The following CFAP44 variants were observed in gnomAD, a reference collection of about 807,000 sequenced individuals.
CFAP44 encodes the protein cilia- and flagella-associated protein 44.
In CFAP44, 134 loss-of-function variants were observed where a neutral mutation model predicts 216.2. The observed-to-expected ratio is 0.62, with a 90% confidence interval of 0.54 to 0.72. CFAP44 has a LOEUF of 0.72. CFAP44 is among the 30% of genes least tolerant of loss of function. CFAP44 has a pLI of 0.00. For synonymous variants in CFAP44, 700 were observed against 727.6 expected (o/e 0.96, Z 0.61); for missense variants, 2,035 against 2,182.1 (o/e 0.93, Z 1.34).
chr3:113,406,334 T>A (rs138720026), intron 8 of CFAP44, among the ~76,000 whole-genome samples: 2 of 152,158 alleles, frequency 1.3e-5, no homozygotes, highest in Non-Finnish European at 1.5e-5. Context: ...GAAAAGTAAG[T>A]AACATAAATA....
At position 113,327,729 on chromosome 3, in the gene CFAP44, G is replaced by A. The variant is rs564091262; in HGVS notation, c.4207C>T (p.Leu1403=). 1 of 1,536,802 alleles carries A rather than the reference G, an allele frequency of 6.5e-7. No homozygotes were observed. The highest frequency in any genetic ancestry group is 1.4e-5 in the African/African-American group (1 of 73,142). The part of the protein sequence containing the change: ...KLDTQMKLSD[L]HHVTLFQEIL... ...TCTTGAAATAAGGTGACATGGTGCA[G>A]GTCAGATAATTTCATCTGAGTATCT... Residue 1403 remains leucine (L), a synonymous_variant, in exon 27 of 35, where the codon CTG becomes TTG. Transcript: ENST00000393845.
chr3:113,421,456 G>C (rs964504151), intron 4 of CFAP44, among the ~76,000 whole-genome samples: 7 of 152,148 alleles, frequency 4.6e-5, no homozygotes, highest in Non-Finnish European at 5.9e-5. Flanking sequence ...ACTAAAAATA[G>C]AACTACCATT....
intron 32 of CFAP44, among the ~76,000 whole-genome samples, chr3:113,298,980 T>C (rs1949908838): frequency 6.6e-6 from 1 of 152,198 alleles, no homozygotes; most frequent in Admixed American, 6.5e-5. Flanking sequence ...GTTAAAATCA[T>C]AAATGTTATG....
chr3:113,429,975 C>G (rs1392257666), intron 2 of CFAP44, among the ~76,000 whole-genome samples: 1 of 152,070 alleles, frequency 6.6e-6, no homozygotes, highest in Non-Finnish European at 1.5e-5. Context: ...TATCAACCAT[C>G]CTGACCTGAC....
At position 113,330,775 on chromosome 3, in the gene CFAP44, G is replaced by C. The variant is rs1950235053; in HGVS notation, c.3616-107C>G. The stretch of plus-strand genomic sequence containing the variant: ...GCTGAAAGGCCTAGAAAAAATTCAA[G>C]ATAAAAATTCATCTGATCATACCTT... On this transcript the variant is annotated intron_variant, in intron 25 of 34. Coordinates refer to ENST00000393845, the MANE Select transcript of CFAP44 (RefSeq NM_001164496.2). The C allele has an allele frequency of 3.6e-6, 5 of 1,370,850 alleles. No individual in the cohort carries two copies. In the African/African-American group the frequency reaches 7.3e-5, roughly 20 times the overall value. 84.9% of individuals were successfully genotyped at this position (1,370,850 alleles called of 1,614,324 possible).
At chr3:113,353,336 T>C (rs887974919) in intron 22 of CFAP44, among the ~76,000 whole-genome samples, 2 of 150,796 alleles carry the variant, frequency 1.3e-5, no homozygotes, top group Non-Finnish European at 2.9e-5. Context: ...TCCTATCTTC[T>C]TGATAGAATA....
chr3:113,384,308 CTTG>C (rs1933592064), intron 15 of CFAP44, among the ~76,000 whole-genome samples: 2 of 152,084 alleles, frequency 1.3e-5, no homozygotes, highest in African/African-American at 2.4e-5. Flanking sequence ...ATCCACCCAC[CTTG>C]ACCTCCCAAA....
intron 23 of CFAP44, among the ~76,000 whole-genome samples, chr3:113,342,637 A>C (rs2029866012): frequency 6.6e-6 from 1 of 152,148 alleles, no homozygotes; most frequent in South Asian, 2.1e-4. Flanking sequence ...TACCAACTGA[A>C]GTGCTCTGAA....
chr3:113,344,508 T>G lies in CFAP44; in HGVS notation c.3262+8A>C, dbSNP rs945093754. ...TAAGAATTTAAAAGCCTTCTTGTCA[T>G]AGGCTACCTGCATCTCTCTGGCTGT... On this transcript the variant is annotated splice_region_variant and intron_variant, in intron 23 of 34. Coordinates refer to ENST00000393845, the MANE Select transcript of CFAP44 (RefSeq NM_001164496.2). 29 of 1,534,320 alleles carry G rather than the reference T, an allele frequency of 1.9e-5. No homozygotes were observed. Among genetic ancestry groups the G allele is most frequent in the Non-Finnish European group, 2.4e-5 (27 of 1,145,562 alleles).
At chr3:113,406,292 C>T (rs540313290) in intron 8 of CFAP44, among the ~76,000 whole-genome samples, 4 of 152,248 alleles carry the variant, frequency 2.6e-5, no homozygotes, top group African/African-American at 9.6e-5. Flanking sequence ...CCCAATAAGT[C>T]TTCTTGGATC....
chr3:113,399,911 G>C lies in CFAP44; in HGVS notation c.1564C>G (p.Arg522Gly). 1.3e-6 allele frequency: 2 copies of C among 1,576,274 alleles called. No homozygotes were observed. The highest frequency in any genetic ancestry group is 1.7e-6 in the Non-Finnish European group (2 of 1,165,242). ...CATTATAACAACAAACTTACCATTCGGGGTACCCAAACAAGGGCAGTACCT... is the reference window on the plus strand; with the variant it reads ...CATTATAACAACAAACTTACCATTCCGGGTACCCAAACAAGGGCAGTACCT... The part of the protein sequence containing the change: ...QGGTALVWVP[R>G]MVNFTGAQII... Residue 522 changes from arginine (R) to glycine (G), a missense_variant, in exon 13 of 35, where the codon CGA (arginine) becomes GGA (glycine). This residue lies in a region of CFAP44 where 1,883 missense variants were observed against 2,023.7 expected (regional missense o/e 0.93). Transcript: ENST00000393845.
chr3:113,400,922 T>C (rs1045861521), intron 11 of CFAP44, among the ~76,000 whole-genome samples: 9 of 152,024 alleles, frequency 5.9e-5, no homozygotes, highest in Non-Finnish European at 1.2e-4. Flanking sequence ...AACAGCTGCT[T>C]GTCTACTAAA....
At chr3:113,396,341 T>A (rs1479727622) in intron 14 of CFAP44, among the ~76,000 whole-genome samples, 177 bp downstream of exon 14, 1 of 152,270 alleles carries the variant, frequency 6.6e-6, no homozygotes, top group Non-Finnish European at 1.5e-5. Context: ...TCTCTTCTGA[T>A]TAAAAAGAGG....
At chr3:113,292,996 T>C (rs925004639) in intron 34 of CFAP44, among the ~76,000 whole-genome samples, 4 of 152,222 alleles carry the variant, frequency 2.6e-5, no homozygotes, top group African/African-American at 4.8e-5. Context: ...CACAGAGATA[T>C]GGGCTCTGGC....
At chr3:113,373,352 CA>C in intron 18 of CFAP44, 58 bp downstream of exon 18, 1 of 1,351,620 alleles carries the variant, frequency 7.4e-7, no homozygotes, top group Non-Finnish European at 9.6e-7. Context: ...CCATGATGAA[CA>C]AAAGCATAGA....
Position 113,404,030 on chromosome 3 carries a change from G to A in CFAP44, c.1006-14C>T, listed in dbSNP as rs1224507810. On this transcript the variant is annotated splice_polypyrimidine_tract_variant and intron_variant, in intron 8 of 34. Coordinates refer to ENST00000393845, the MANE Select transcript of CFAP44 (RefSeq NM_001164496.2). ...CCCTGAGAGCACCTGGCAGGTATGT[G>A]GAAAAAAGAAATGTGCATTAAAACA... 5 of 1,603,788 alleles carry A rather than the reference G, an allele frequency of 3.1e-6. No individual in the cohort carries two copies. The highest frequency in any genetic ancestry group is 4.3e-6 in the Non-Finnish European group (5 of 1,174,882).
intron 24 of CFAP44, among the ~76,000 whole-genome samples, chr3:113,335,425 T>A (rs1180661869): frequency 6.6e-6 from 1 of 152,128 alleles, no homozygotes; most frequent in Non-Finnish European, 1.5e-5. Context: ...GAAAAGAATA[T>A]CAGAGGTACA....
chr3:113,299,545 A>G (rs1293209047), intron 32 of CFAP44, among the ~76,000 whole-genome samples: 1 of 152,240 alleles, frequency 6.6e-6, no homozygotes, highest in Non-Finnish European at 1.5e-5. Flanking sequence ...CATATGATCC[A>G]GCAATCGCAC....
chr3:113,410,868 T>C (rs1290741012), intron 6 of CFAP44, among the ~76,000 whole-genome samples: 2 of 152,220 alleles, frequency 1.3e-5, no homozygotes, highest in Non-Finnish European at 2.9e-5. Context: ...TATCTCATTG[T>C]GGTTTTGATT....
Sources: allele counts gnomAD v4.1 joint callset (sites outside exome capture counted in the v4.1 genomes callset), GRCh38; gene constraint gnomAD v4.1.1; regional missense constraint gnomAD v4.1.1; transcripts MANE v1.5; gene names NCBI Gene and HGNC (gene_info 2026-07-23, HGNC 2026-07-21).